PTCH1: variants seen among roughly 807,000 people sequenced by gnomAD.
PTCH1 encodes the protein patched 1, also known as protein patched homolog 1.
A neutral mutation model predicts 144.6 loss-of-function variants in PTCH1; 14 were observed. The observed-to-expected ratio is 0.10, with a 90% CI of 0.06 to 0.15. The LOEUF is 0.15. PTCH1 is among the 10% of genes least tolerant of loss of function. The probability of loss-of-function intolerance (pLI) is 1.00; values close to 1 mark genes in which losing one functional copy is unlikely to be tolerated. For synonymous variants in PTCH1, 833 were observed against 793.6 expected (o/e 1.05, Z -0.83); for missense variants, 1,623 against 1,948.3 (o/e 0.83, Z 3.14).
In PTCH1 at chr9:95,469,031, G is replaced by A. The variant is rs2118049564; in HGVS notation, c.1970C>T (p.Thr657Ile). 6.2e-7 allele frequency: 1 copy of A among 1,614,082 alleles called. No homozygotes were observed. The highest frequency in any genetic ancestry group is 8.5e-7 in the Non-Finnish European group (1 of 1,180,034). ...GCGGAGCTGGACAGTGGACTGCATG[G>A]TAATCTGCGTTTCATGGGCAAAGCT... ...SHSFAHETQI[T>I]MQSTVQLRTE... Residue 657 changes from threonine (T) to isoleucine (I), a missense_variant, in exon 14 of 24, where the codon ACC becomes ATC. Physicochemically the swap from Thr to Ile is moderately conservative, Grantham distance 89 (BLOSUM62 -1). Coordinates refer to ENST00000331920, the MANE Select transcript of PTCH1 (RefSeq NM_000264.5).
intron 2 of PTCH1, among the ~76,000 whole-genome samples, chr9:95,490,519 T>TCACACACATACACACA (rs536111739): frequency 8.3e-6 from 1 of 119,830 alleles, no homozygotes; most frequent in African/African-American, 3.4e-5. Flanking sequence ...ACCTTCTATG[T>TCACACACATACACACA]GACACACACA....
chr9:95,480,199 G>C (rs1841420256), intron 6 of PTCH1, 109 bp from the exon 7 acceptor site: 2 of 1,572,066 alleles, frequency 1.3e-6, no homozygotes. Context: ...AACATTAATA[G>C]CAAGGCTAAT....
chr9:95,447,251 A>G lies in PTCH1; in HGVS notation c.4005T>C (p.Asn1335=), dbSNP rs1588511343. Residue 1335 remains asparagine (N), a synonymous_variant, in exon 23 of 24, where the codon AAT becomes AAC. Coordinates refer to ENST00000331920, the MANE Select transcript of PTCH1 (RefSeq NM_000264.5). ...ISTEGHSGPS[N]RARWGPRGAR... ...CCCCGCGAGGGCCCCAGCGGGCCCT[A>G]TTGCTAGGGCCAGAATGCCCTTCAG... The G allele has an allele frequency of 1.9e-6, 3 of 1,612,776 alleles. No individual in the cohort carries two copies. The South Asian group carries it at 3.3e-5, about 18-fold the overall frequency.
rs1168689212 is a variant in PTCH1 at position 95,516,459 on chromosome 9, C to T, written c.3+10G>A. ...GTGGCGTCGGCGGCCGCCGCGCTGG[C>T]TGCACTCACCATAGCCGGCCGTCAA... On this transcript the variant is annotated intron_variant, in intron 1 of 22. Transcript: ENST00000430669. 5 of 1,466,172 alleles carry T rather than the reference C, an allele frequency of 3.4e-6. No individual in the cohort carries two copies. In the African/African-American group the frequency reaches 7.4e-5, roughly 22 times the overall value. 90.8% of individuals were successfully genotyped at this position (1,466,172 alleles called of 1,614,324 possible).
rs1417031829 is a variant in PTCH1 at position 95,467,264 on chromosome 9, A to G, written c.2412T>C (p.Tyr804=). 1 of 1,614,238 alleles carries G rather than the reference A, an allele frequency of 6.2e-7. No individual in the cohort carries two copies. Among genetic ancestry groups the G allele is most frequent in the Non-Finnish European group, 8.5e-7 (1 of 1,180,038 alleles). ...GGTAGTCTGCTTTCTGGGTGACTAT[A>G]TACATGTTGTAGAAAGAAAAGTATT... ...QFKYFSFYNM[Y]IVTQKADYPN... is the part of the protein sequence containing the mutation. Residue 804 remains tyrosine, a synonymous_variant, in exon 15 of 24, where the codon TAT becomes TAC. Transcript: ENST00000331920.
chr9:95,465,514 A>G (rs1839920722), intron 15 of PTCH1, among the ~76,000 whole-genome samples: 1 of 152,204 alleles, frequency 6.6e-6, no homozygotes, highest in Non-Finnish European at 1.5e-5. Flanking sequence ...AATAATAATC[A>G]TGGCATGTTC....
intron 2 of PTCH1, among the ~76,000 whole-genome samples, chr9:95,504,452 T>TG (rs1376592551): frequency 6.6e-6 from 1 of 152,212 alleles, no homozygotes; most frequent in Non-Finnish European, 1.5e-5. Context: ...AAAGGTCCAC[T>TG]GAAAACTCTT....
chr9:95,491,037 C>T (rs1842369356), intron 2 of PTCH1, among the ~76,000 whole-genome samples: 1 of 152,142 alleles, frequency 6.6e-6, no homozygotes, highest in African/African-American at 2.4e-5. Context: ...TAAAAATAAT[C>T]ATATGCATCT....
At position 95,463,786 on chromosome 9, in the gene PTCH1, G is replaced by C. The variant is rs370739669; in HGVS notation, c.2561-1788C>G. On this transcript the variant is annotated intron_variant, in intron 15 of 23. Coordinates refer to ENST00000331920, the MANE Select transcript of PTCH1 (RefSeq NM_000264.5). Reference sequence around the variant, plus strand: ...TCTTGGAAAGGGGAGACTGGAGGGGGCCACCCAGCAGGTGAGTGTTGGATG... The same window carrying C: ...TCTTGGAAAGGGGAGACTGGAGGGGCCCACCCAGCAGGTGAGTGTTGGATG... Among the ~76,000 whole-genome samples, 42 of 152,232 alleles carry C rather than the reference G, an allele frequency of 2.8e-4. 2 individuals carry two copies. The East Asian group carries it at 4.6e-3, about 17-fold the overall frequency.
At chr9:95,513,593 A>G (rs1844244046), upstream of PTCH1, among the ~76,000 whole-genome samples, 1 of 152,136 alleles carries the variant, frequency 6.6e-6, no homozygotes, top group Non-Finnish European at 1.5e-5. Flanking sequence ...ACTCAAGCCA[A>G]TGTGCCACCA....
At chr9:95,455,695 T>C (rs1481440295) in intron 19 of PTCH1, among the ~76,000 whole-genome samples, 1 of 152,180 alleles carries the variant, frequency 6.6e-6, no homozygotes, top group African/African-American at 2.4e-5. Flanking sequence ...CTTTCTGCTA[T>C]CATGAATGTA....
exon 1 of PTCH1, chr9:95,516,821 G>A: frequency 6.3e-7 from 1 of 1,597,726 alleles, no homozygotes; most frequent in Non-Finnish European, 8.5e-7. Flanking sequence ...GCAGTTCCAT[G>A]GCCCTCGGCG....
chr9:95,516,914 A>G, exon 1 of PTCH1: 1 of 1,046,334 alleles, frequency 9.6e-7, no homozygotes, highest in South Asian at 1.6e-5. Flanking sequence ...AATAAACTCA[A>G]GGAAAGCAAA....
In PTCH1 at chr9:95,446,094, C is replaced by G. The variant is rs554847485; in HGVS notation, c.*299G>C. 9 of 215,910 alleles carry G rather than the reference C, an allele frequency of 4.2e-5. No homozygotes were observed. The South Asian group carries it at 6.4e-4, about 15-fold the overall frequency. 13.4% of individuals were successfully genotyped at this position (215,910 alleles called of 1,614,324 possible). ...TGAAGCTTGGTTGTGGCACGGAGCC[C>G]AATGCACAAATACGGAGAGGCCCCA... is the stretch of plus-strand genomic sequence containing the variant. On this transcript the variant is annotated 3_prime_UTR_variant, in exon 24 of 24. Coordinates refer to ENST00000331920, the MANE Select transcript of PTCH1 (RefSeq NM_000264.5).
intron 8 of PTCH1, among the ~76,000 whole-genome samples, chr9:95,478,603 G>C (rs182954388): frequency 6.6e-6 from 1 of 152,204 alleles, no homozygotes; most frequent in Non-Finnish European, 1.5e-5. Flanking sequence ...GTCACATGCA[G>C]CTCAGTAGAG....
intron 20 of PTCH1, chr9:95,450,159 G>T: frequency 1.7e-6 from 1 of 584,066 alleles, no homozygotes. Context: ...ACAACCCAAA[G>T]TGTTAGTTCA....
intron 1 of PTCH1, among the ~76,000 whole-genome samples, chr9:95,515,982 C>T (rs1476761767): frequency 1.3e-5 from 2 of 151,958 alleles, no homozygotes; most frequent in African/African-American, 4.8e-5. Context: ...TCCGCGCGCG[C>T]GCTCTGAGCC....
intron 12 of PTCH1, chr9:95,474,258 T>G (rs1840842144): frequency 3.2e-6 from 1 of 309,946 alleles, no homozygotes; most frequent in Admixed American, 3.9e-5. Flanking sequence ...GGAGAGAGAA[T>G]GGGCAGACAG....
intron 1 of PTCH1, chr9:95,507,376 T>TGGCCGC (rs1843765996): frequency 1.0e-6 from 1 of 985,326 alleles, no homozygotes; most frequent in African/African-American, 1.7e-5. Context: ...TCCCCGGCGC[T>TGGCCGC]GGCCGCGGCC....
Sources: allele counts gnomAD v4.1 joint callset (sites outside exome capture counted in the v4.1 genomes callset), GRCh38; gene constraint gnomAD v4.1.1; transcripts MANE v1.5; gene names NCBI Gene and HGNC (gene_info 2026-07-23, HGNC 2026-07-21).